Variants in LIFR observed in about 807,000 individuals in gnomAD.
The protein encoded by LIFR is LIF receptor subunit alpha, also known as leukemia inhibitory factor receptor.
A neutral mutation model predicts 122.2 loss-of-function variants in LIFR; 84 were observed. That is an observed-to-expected ratio of 0.69 (90% CI 0.58 to 0.82). LIFR has a LOEUF of 0.82. Ranked by LOEUF, LIFR falls within the 40% of genes least tolerant of loss-of-function variation. The pLI is 0.00. For synonymous variants in LIFR, 422 were observed against 434.7 expected, an observed-to-expected ratio of 0.97 and a Z score of 0.36; for missense variants, 1,294 against 1,311.6, an observed-to-expected ratio of 0.99 and a Z score of 0.21.
chr5:38,578,324 A>G (rs372248191), intron 1 of LIFR, among the ~76,000 whole-genome samples: 26 of 147,998 alleles, frequency 1.8e-4, no homozygotes, highest in African/African-American at 6.5e-4. Context: ...CCCCTGCCTC[A>G]GCCTCCTGAG....
rs1037070110 is a variant in LIFR, at chr5:38,481,268, T to C, written c.*327A>G. 2 of 397,996 alleles carry C rather than the reference T, an allele frequency of 5.0e-6. No individual in the cohort carries two copies. Among genetic ancestry groups the C allele is most frequent in the Non-Finnish European group, 9.2e-6 (2 of 217,508 alleles). The allele number at this position is 397,996 out of a possible 1,614,324, so 24.7% of individuals were successfully genotyped here. On this transcript the variant is annotated 3_prime_UTR_variant, in exon 20 of 20. Transcript: ENST00000453190. ...CCACAAACAACAGAACAGAAAACAG[T>C]TGCGGCGGGATTTGTTTTACATGTA...
chr5:38,499,640 C>A (rs1440482131), intron 11 of LIFR, 57 bp from the exon 12 acceptor site: 1 of 1,196,650 alleles, frequency 8.4e-7, no homozygotes, highest in Non-Finnish European at 1.2e-6. Context: ...GTATATGGTG[C>A]TTGGCATTTT....
intron 7 of LIFR, among the ~76,000 whole-genome samples, chr5:38,507,027 GA>G (rs1745523382): frequency 6.6e-6 from 1 of 152,002 alleles, no homozygotes; most frequent in African/African-American, 2.4e-5. Context: ...ACTGTGATTC[GA>G]AAAGAAATAC....
chr5:38,507,262 A>C (rs1164598592), intron 7 of LIFR, among the ~76,000 whole-genome samples: 1 of 150,596 alleles, frequency 6.6e-6, no homozygotes, highest in African/African-American at 2.4e-5. Context: ...TTAAGACGAG[A>C]CCTTCAAAGT....
intron 1 of LIFR, chr5:38,579,233 C>T (rs1348188600): frequency 6.6e-6 from 1 of 152,160 alleles, no homozygotes; most frequent in Non-Finnish European, 1.5e-5. Context: ...TGAACTACAC[C>T]TGGCTCTTCG....
At chr5:38,598,292 G>C (rs555504946), upstream of LIFR, among the ~76,000 whole-genome samples, 1 of 129,084 alleles carries the variant, frequency 7.7e-6, no homozygotes, top group Non-Finnish European at 1.6e-5. Context: ...TGTCGCCCAG[G>C]CTGGAGTACA....
intron 9 of LIFR, 144 bp downstream of exon 9, chr5:38,505,761 T>A (rs1745439913): frequency 2.9e-6 from 1 of 349,478 alleles, no homozygotes; most frequent in African/African-American, 2.1e-5. Flanking sequence ...CATTTAAAGT[T>A]TTTATAAATA....
At chr5:38,529,095 G>C (rs540935174) in intron 2 of LIFR, among the ~76,000 whole-genome samples, 2 of 151,668 alleles carry the variant, frequency 1.3e-5, no homozygotes, top group Admixed American at 1.3e-4. Context: ...TGATGAAAGT[G>C]GGCCAGCTAC....
intron 8 of LIFR, 99 bp downstream of exon 8, chr5:38,506,404 G>C (rs1365870367): frequency 7.0e-6 from 10 of 1,419,152 alleles, no homozygotes; most frequent in African/African-American, 1.4e-5. Context: ...TTTATATCTT[G>C]TTTGTAACAT....
chr5:38,566,200 G>T (rs1749019738), intron 1 of LIFR, among the ~76,000 whole-genome samples: 1 of 152,138 alleles, frequency 6.6e-6, no homozygotes, highest in South Asian at 2.1e-4. Context: ...ATTTCTCAAT[G>T]ACCGAAGGTT....
chr5:38,521,237 G>A (rs1746380955), intron 5 of LIFR, among the ~76,000 whole-genome samples: 1 of 152,050 alleles, frequency 6.6e-6, no homozygotes, highest in Non-Finnish European at 1.5e-5. Context: ...TTCATTATTA[G>A]CATATAGAAA....
In LIFR at chr5:38,502,785, G is replaced by T. The variant is rs1343314925; in HGVS notation, c.1452C>A (p.Ile484=). 6.3e-7 allele frequency: 1 copy of T among 1,596,442 alleles called. No homozygotes were observed. Among genetic ancestry groups the T allele is most frequent in the African/African-American group, 1.3e-5 (1 of 74,664 alleles). Residue 484 remains isoleucine (I), a synonymous_variant, in exon 11 of 20, where the codon ATC becomes ATA. Transcript: ENST00000453190. The stretch of plus-strand genomic sequence containing the variant: ...GATAACTTGAATTTTCTACTCCTTT[G>T]ATTGTGACATTCCGCTATTGGAAAA... ...NSVQEQRNVT[I]KGVENSSYLV...
chr5:38,541,526 T>A (rs756864874), intron 1 of LIFR, among the ~76,000 whole-genome samples: 16 of 152,226 alleles, frequency 1.1e-4, no homozygotes, highest in Admixed American at 1.3e-4. Context: ...ATTCAAGCTG[T>A]GTAAACAGAG....
chr5:38,582,696 A>T (rs1004208903), intron 1 of LIFR, among the ~76,000 whole-genome samples: 1 of 152,188 alleles, frequency 6.6e-6, no homozygotes, highest in Admixed American at 6.5e-5. Context: ...TCAAATTGCT[A>T]GGTTTTCAGT....
At chr5:38,530,881 C>A in intron 1 of LIFR, 3 of 498,796 alleles carry the variant, frequency 6.0e-6, no homozygotes, top group Non-Finnish European at 1.1e-5. Flanking sequence ...GGCCAATTTT[C>A]AAATGATGGG....
chr5:38,537,425 C>T (rs984243694), intron 1 of LIFR, among the ~76,000 whole-genome samples: 2 of 152,222 alleles, frequency 1.3e-5, no homozygotes, highest in Non-Finnish European at 2.9e-5. Flanking sequence ...TCATATCCCA[C>T]TTCAACTACG....
intron 18 of LIFR, among the ~76,000 whole-genome samples, chr5:38,482,938 G>A (rs944273401): frequency 3.7e-4 from 56 of 152,176 alleles, no homozygotes; most frequent in African/African-American, 1.3e-3. Context: ...TTAAAATTGT[G>A]GCTGTGCCAT....
chr5:38,591,971 G>A (rs1749934546), intron 1 of LIFR, among the ~76,000 whole-genome samples: 1 of 152,136 alleles, frequency 6.6e-6, no homozygotes, highest in Admixed American at 6.5e-5. Flanking sequence ...CCAATGCCCT[G>A]GACTGGTTGG....
chr5:38,571,547 A>C (rs1211774853), intron 1 of LIFR, among the ~76,000 whole-genome samples: 5 of 151,400 alleles, frequency 3.3e-5, no homozygotes, highest in Non-Finnish European at 5.9e-5. Context: ...AAAAAAAAAA[A>C]AAAAGCACTA....
Sources: gnomAD v4.1 joint callset for allele counts (sites outside exome capture counted in the v4.1 genomes callset) on GRCh38, gnomAD v4.1.1 for gene constraint, MANE v1.5 for transcripts, NCBI Gene and HGNC (gene_info 2026-07-23, HGNC 2026-07-21) for gene names.